Variants in HS6ST3 observed in about 807,000 individuals in gnomAD.
The protein encoded by HS6ST3 is heparan-sulfate 6-O-sulfotransferase 3.
A neutral mutation model predicts 36.7 loss-of-function variants in HS6ST3; 12 were observed. The observed-to-expected ratio is 0.33, with a 90% confidence interval of 0.21 to 0.53. The LOEUF is 0.53. Ranked by LOEUF, HS6ST3 falls within the 20% of genes least tolerant of loss-of-function variation. The pLI, the probability that HS6ST3 is intolerant of heterozygous loss-of-function variation, is 0.95. For missense variants in HS6ST3, 584 were observed against 640.9 expected (o/e 0.91, Z 0.96); for synonymous variants, 240 against 257.5 (o/e 0.93, Z 0.65).
At chr13:96,543,249 A>C (rs775481786) in intron 1 of HS6ST3, among the ~76,000 whole-genome samples, 239 of 152,288 alleles carry the variant, frequency 1.6e-3, no homozygotes, top group Non-Finnish European at 1.3e-3. Context: ...GCTGTACTTC[A>C]GTCATCCTCC....
At chr13:96,224,761 G>T (rs182142500) in intron 1 of HS6ST3, among the ~76,000 whole-genome samples, 1 of 152,220 alleles carries the variant, frequency 6.6e-6, no homozygotes, top group Non-Finnish European at 1.5e-5. Flanking sequence ...GAAGGTTACA[G>T]AGCCACCTAA....
At chr13:96,793,111 A>G (rs1877830724) in intron 1 of HS6ST3, among the ~76,000 whole-genome samples, 1 of 152,014 alleles carries the variant, frequency 6.6e-6, no homozygotes, top group Admixed American at 6.6e-5. Flanking sequence ...GCATACCCTC[A>G]TAGCCCTTGA....
chr13:96,317,357 TATATATATATAAAATTATATA>T (rs1566322124), intron 1 of HS6ST3, among the ~76,000 whole-genome samples: 199 of 18,218 alleles, frequency 0.011, 2 homozygotes, highest in Non-Finnish European at 0.015. Flanking sequence ...TATATATATA[TATATATATATAAAATTATATA>T]TATATATATA....
chr13:96,319,913 C>T (rs1180080728), intron 1 of HS6ST3, among the ~76,000 whole-genome samples: 2 of 151,980 alleles, frequency 1.3e-5, no homozygotes, highest in Non-Finnish European at 2.9e-5. Flanking sequence ...AGATTGCTGC[C>T]CCAGAAATTA....
chr13:96,305,745 T>A (rs1382119205), intron 1 of HS6ST3, among the ~76,000 whole-genome samples: 1 of 152,178 alleles, frequency 6.6e-6, no homozygotes, highest in East Asian at 1.9e-4. Flanking sequence ...ACATAATGTA[T>A]ATATTATACC....
At chr13:96,574,182 G>C (rs139799613) in intron 1 of HS6ST3, 1 of 521,028 alleles carries the variant, frequency 1.9e-6, no homozygotes, top group Non-Finnish European at 3.9e-6. Context: ...GAGGGGCTGC[G>C]TAAGCTTTTC....
At chr13:96,672,684 G>A (rs939318966) in intron 1 of HS6ST3, among the ~76,000 whole-genome samples, 3 of 152,084 alleles carry the variant, frequency 2.0e-5, no homozygotes, top group African/African-American at 7.2e-5. Flanking sequence ...AGGGCATGGG[G>A]GATAACTGTT....
At chr13:96,525,635 A>T (rs2138930826) in intron 1 of HS6ST3, among the ~76,000 whole-genome samples, 1 of 152,340 alleles carries the variant, frequency 6.6e-6, no homozygotes, top group African/African-American at 2.4e-5. Context: ...AGATGATTTC[A>T]AATCCATGAC....
Position 96,386,131 on chromosome 13 carries a change from T to A in HS6ST3, c.707+294562T>A, listed in dbSNP as rs193166526. On this transcript the variant is annotated intron_variant, in intron 1 of 1. Coordinates refer to ENST00000376705, the MANE Select transcript of HS6ST3 (RefSeq NM_153456.4). ...AAAAGATCCATAAGAGAAAACATCT[T>A]GTAAATTTGCTTTATAGTGACCCAA... Among the ~76,000 whole-genome samples, 7 of 152,362 alleles carry A rather than the reference T, an allele frequency of 4.6e-5. No individual in the cohort carries two copies. In the East Asian group the frequency reaches 1.3e-3, roughly 29 times the overall value.
At chr13:96,739,219 TTGTG>T (rs3138578) in intron 1 of HS6ST3, among the ~76,000 whole-genome samples, 25,500 of 125,064 alleles carry the variant, frequency 0.2, 2,761 homozygotes, top group Admixed American at 0.27. Flanking sequence ...CGACATTTGC[TTGTG>T]TGTGTGTGTG....
At chr13:96,773,411 A>C (rs1314591286) in intron 1 of HS6ST3, among the ~76,000 whole-genome samples, 1 of 152,166 alleles carries the variant, frequency 6.6e-6, no homozygotes, top group Non-Finnish European at 1.5e-5. Flanking sequence ...GAGCCCTGCA[A>C]GCTAAAATCC....
At chr13:96,602,194 TTTGTTG>T (rs139299928) in intron 1 of HS6ST3, among the ~76,000 whole-genome samples, 1 of 152,020 alleles carries the variant, frequency 6.6e-6, no homozygotes, top group Non-Finnish European at 1.5e-5. Context: ...AATCTGTATC[TTTGTTG>T]TTGTTGTTGT....
chr13:96,118,659 TA>T (rs2053906205), intron 1 of HS6ST3, among the ~76,000 whole-genome samples: 1 of 3,388 alleles, frequency 3.0e-4, no homozygotes, highest in East Asian at 0.01. Flanking sequence ...TATATATATA[TA>T]TATATATATA....
chr13:96,801,410 G>A (rs192341178), intron 1 of HS6ST3, among the ~76,000 whole-genome samples: 49 of 152,058 alleles, frequency 3.2e-4, no homozygotes, highest in African/African-American at 1.1e-3. Context: ...CCAATATACC[G>A]TATGTCTTTC....
chr13:96,621,350 C>T (rs147787975), intron 1 of HS6ST3, among the ~76,000 whole-genome samples: 226 of 152,260 alleles, frequency 1.5e-3, no homozygotes, highest in African/African-American at 4.6e-3. Flanking sequence ...TGAATTCTCA[C>T]GAGATCTGAT....
intron 1 of HS6ST3, among the ~76,000 whole-genome samples, chr13:96,732,704 T>C (rs1876190097): frequency 1.3e-5 from 2 of 152,204 alleles, no homozygotes; most frequent in Admixed American, 1.3e-4. Context: ...GGCATTTTGA[T>C]AGTTATCAAA....
At chr13:96,376,881 T>C (rs1263230151) in intron 1 of HS6ST3, among the ~76,000 whole-genome samples, 1 of 152,030 alleles carries the variant, frequency 6.6e-6, no homozygotes, top group Non-Finnish European at 1.5e-5. Flanking sequence ...TTTGGGAGGC[T>C]GATGCTGGAG....
chr13:96,393,750 T>A (rs1474203700), intron 1 of HS6ST3, among the ~76,000 whole-genome samples: 1 of 152,254 alleles, frequency 6.6e-6, no homozygotes, highest in Non-Finnish European at 1.5e-5. Flanking sequence ...GGAAGGGAGA[T>A]GGGCTTGTTT....
intron 1 of HS6ST3, among the ~76,000 whole-genome samples, chr13:96,777,924 T>C (rs1381921454): frequency 2.0e-5 from 3 of 152,088 alleles, no homozygotes; most frequent in African/African-American, 4.8e-5. Flanking sequence ...CTTCAAACTA[T>C]ACTACAAGGC....
Sources: allele counts gnomAD v4.1 joint callset (sites outside exome capture counted in the v4.1 genomes callset), GRCh38; gene constraint gnomAD v4.1.1; transcripts MANE v1.5; gene names NCBI Gene and HGNC (gene_info 2026-07-23, HGNC 2026-07-21).